The following PLXDC1 variants were observed in gnomAD, a reference collection of about 807,000 sequenced individuals.
The protein encoded by PLXDC1 is plexin domain-containing protein 1.
PLXDC1 carries 39 observed loss-of-function variants against 61.3 expected under a neutral mutation model. The ratio of observed to expected loss-of-function variants is 0.64; its 90% confidence interval spans 0.49 to 0.83. The LOEUF is 0.83. PLXDC1 is among the 40% of genes least tolerant of loss of function. The pLI, the probability that PLXDC1 is intolerant of heterozygous loss-of-function variation, is 0.00. For synonymous variants in PLXDC1, 212 were observed against 254.5 expected (o/e 0.83, Z 1.59); for missense variants, 596 against 666.5 (o/e 0.89, Z 1.17).
intron 2 of PLXDC1, chr17:39,137,334 C>T (rs1911786607): frequency 6.6e-6 from 1 of 152,204 alleles, no homozygotes; most frequent in South Asian, 2.1e-4. Flanking sequence ...GCTAGCAAAT[C>T]ACTTGAAGTC....
chr17:39,138,124 G>A (rs1005977207), intron 2 of PLXDC1, among the ~76,000 whole-genome samples: 1 of 152,060 alleles, frequency 6.6e-6, no homozygotes, highest in Non-Finnish European at 1.5e-5. Flanking sequence ...TTTTAGAGAC[G>A]TGGGTCTCAC....
Position 39,087,688 on chromosome 17 carries a change from T to G in PLXDC1, c.826A>C (p.Ser276Arg), listed in dbSNP as rs766289644. Residue 276 changes from serine (S) to arginine (R), a missense_variant, in exon 8 of 14, where the codon AGC becomes CGC. Transcript: ENST00000315392. ...SPDVPESRRRSIFEYHRIELD... is the reference protein window; with the variant it reads ...SPDVPESRRRRIFEYHRIELD... ...TCTATGCGGTGATATTCAAAGATGC[T>G]CCTTCGCCGAGATTCTGAAACAGAG... The G allele has an allele frequency of 5.0e-6, 8 of 1,613,584 alleles. No individual in the cohort carries two copies. The highest frequency in any genetic ancestry group is 3.3e-5 in the Admixed American group (2 of 60,010).
intron 2 of PLXDC1, among the ~76,000 whole-genome samples, chr17:39,134,638 AAG>A (rs200756373): frequency 0.063 from 9,283 of 147,410 alleles, 362 homozygotes; most frequent in East Asian, 0.12. Context: ...AAAAAAAAAA[AAG>A]AAAAAGAAAA....
rs1908838649 is a variant in PLXDC1, at chr17:39,064,946, G to C, written c.*2894C>G. 1 of 152,172 alleles carries C rather than the reference G, an allele frequency of 6.6e-6. No individual in the cohort carries two copies. Among genetic ancestry groups the C allele is most frequent in the East Asian group, 1.9e-4 (1 of 5,202 alleles). 9.4% of individuals were successfully genotyped at this position (152,172 alleles called of 1,614,324 possible). On this transcript the variant is annotated 3_prime_UTR_variant, in exon 14 of 14. Coordinates refer to ENST00000315392, the MANE Select transcript of PLXDC1 (RefSeq NM_020405.5). Reference sequence around the variant, plus strand: ...CTGTGTGTGTCTCAAATGGCCAGTGGGGCAGTTCCTGCTGTGGCCTGATTC... The same window carrying C: ...CTGTGTGTGTCTCAAATGGCCAGTGCGGCAGTTCCTGCTGTGGCCTGATTC...
intron 7 of PLXDC1, among the ~76,000 whole-genome samples, chr17:39,102,637 T>C (rs1197292996): frequency 6.6e-6 from 1 of 151,738 alleles, no homozygotes; most frequent in Non-Finnish European, 1.5e-5. Context: ...CACTGTGTGC[T>C]GAGACAGAAC....
In PLXDC1 at chr17:39,095,490, C is replaced by T. The variant is rs560883169; in HGVS notation, c.812-7788G>A. On this transcript the variant is annotated intron_variant, in intron 7 of 13. Coordinates refer to ENST00000315392, the MANE Select transcript of PLXDC1 (RefSeq NM_020405.5). Reference sequence around the variant, plus strand: ...CAACAGATCCTTTCTGGAACCAAGACGCAGGCTTCCCCAGAGCACCATTTC... The same window carrying T: ...CAACAGATCCTTTCTGGAACCAAGATGCAGGCTTCCCCAGAGCACCATTTC... Among the ~76,000 whole-genome samples, 8 of 150,300 alleles carry T rather than the reference C, an allele frequency of 5.3e-5. No homozygotes were observed. The South Asian group carries it at 1.3e-3, about 24-fold the overall frequency.
intron 2 of PLXDC1, among the ~76,000 whole-genome samples, chr17:39,118,592 A>G (rs575249799): frequency 6.6e-6 from 1 of 152,296 alleles, no homozygotes; most frequent in Non-Finnish European, 1.5e-5. Context: ...ATTTTAAATA[A>G]TATCCTTGTA....
rs143115784 is a variant in PLXDC1, at chr17:39,147,430, T to C, written c.76+3932A>G. On this transcript the variant is annotated intron_variant, in intron 1 of 13. Coordinates refer to ENST00000315392, the MANE Select transcript of PLXDC1 (RefSeq NM_020405.5). ...CTGCTGCCCCCTCGGTGTTGGTGTG[T>C]CAACTTGCTGCACCTTGGGCAACAC... 5.4e-3 allele frequency among the ~76,000 whole-genome samples: 816 copies of C among 152,182 alleles called. 9 individuals are homozygous for C. The highest frequency in any genetic ancestry group is 0.01 in the Non-Finnish European group (681 of 68,010).
At chr17:39,098,135 G>A (rs1441647030) in intron 7 of PLXDC1, among the ~76,000 whole-genome samples, 1 of 149,446 alleles carries the variant, frequency 6.7e-6, no homozygotes, top group East Asian at 2.0e-4. Flanking sequence ...AACCCAGGAG[G>A]TGGAGGTTGC....
intron 2 of PLXDC1, among the ~76,000 whole-genome samples, chr17:39,122,334 G>A (rs989410845): frequency 8.1e-6 from 1 of 123,290 alleles, no homozygotes; most frequent in Non-Finnish European, 1.6e-5. Context: ...CAGCCAAATC[G>A]CACCACTGCA....
chr17:39,106,383 G>A (rs1258571771), intron 6 of PLXDC1, among the ~76,000 whole-genome samples: 1 of 151,774 alleles, frequency 6.6e-6, no homozygotes, highest in Non-Finnish European at 1.5e-5. Context: ...CCAACAACCT[G>A]TTCTCCACTC....
intron 7 of PLXDC1, among the ~76,000 whole-genome samples, chr17:39,091,443 G>C (rs538495050): frequency 6.6e-6 from 1 of 152,082 alleles, no homozygotes; most frequent in African/African-American, 2.4e-5. Context: ...CACTGGAGCC[G>C]GATGGTTTAG....
chr17:39,139,592 G>A, intron 2 of PLXDC1, 62 bp downstream of exon 2: 2 of 1,454,020 alleles, frequency 1.4e-6, no homozygotes, highest in Non-Finnish European at 9.5e-7. Flanking sequence ...CACACCTGGG[G>A]CAGCTGGTGA....
intron 10 of PLXDC1, among the ~76,000 whole-genome samples, chr17:39,078,874 G>A (rs1449923443): frequency 6.6e-6 from 1 of 152,212 alleles, no homozygotes; most frequent in Admixed American, 6.5e-5. Context: ...CCCACTTAAG[G>A]TCAAGGCATC....
rs916446493 is a variant in PLXDC1, at chr17:39,067,721, A to G, written c.*119T>C. 2.0e-6 allele frequency: 2 copies of G among 997,340 alleles called. No homozygotes were observed. Among genetic ancestry groups the G allele is most frequent in the Admixed American group, 4.7e-5 (2 of 42,350 alleles). The allele number at this position is 997,340 out of a possible 1,614,324, so 61.8% of individuals were successfully genotyped here. The stretch of plus-strand genomic sequence containing the variant: ...GCGAGCAGCAGCTCTGGAGCCATAA[A>G]CCACCATCTCATCTCAGCCCAGGGC... On this transcript the variant is annotated 3_prime_UTR_variant, in exon 14 of 14. Transcript: ENST00000315392.
intron 7 of PLXDC1, chr17:39,096,991 C>T (rs554634265): frequency 1.1e-4 from 53 of 471,244 alleles, no homozygotes; most frequent in Admixed American, 1.6e-4. Flanking sequence ...AGAGTTTATA[C>T]GAGGAAGTAC....
chr17:39,112,743 GT>G (rs1567764863), intron 2 of PLXDC1, among the ~76,000 whole-genome samples: 6 of 152,124 alleles, frequency 3.9e-5, no homozygotes, highest in Admixed American at 3.9e-4. Context: ...CTTAGGAAGT[GT>G]TTGCTGGAGG....
At chr17:39,110,425 C>T (rs1473129358) in intron 2 of PLXDC1, among the ~76,000 whole-genome samples, 2 of 152,196 alleles carry the variant, frequency 1.3e-5, no homozygotes, top group Admixed American at 1.3e-4. Context: ...TGCAAAGGCT[C>T]TCCTGCAGAG....
rs186462427 is a variant in PLXDC1, at chr17:39,151,632, G to C, written c.-195C>G. 1,495 of 1,060,920 alleles carry C rather than the reference G, an allele frequency of 1.4e-3. 21 individuals carry two copies. In the African/African-American group the frequency reaches 0.023, roughly 16 times the overall value. The allele number at this position is 1,060,920 out of a possible 1,614,324, so 65.7% of individuals were successfully genotyped here. A position where few individuals can be genotyped will look rare whatever the true frequency, so the allele number is the denominator to read the frequency against. On this transcript the variant is annotated 5_prime_UTR_variant, in exon 1 of 14. Coordinates refer to ENST00000315392, the MANE Select transcript of PLXDC1 (RefSeq NM_020405.5). The surrounding 1 kb of genome is among the most constrained non-coding windows in gnomAD (Gnocchi z 5.2). ...AGCGGAGCTGGAGGCTGCGGCCTCC[G>C]GGAGCAGGCGGGGAGCTGGGGGGGC...
Sources: allele counts gnomAD v4.1 joint callset (sites outside exome capture counted in the v4.1 genomes callset), GRCh38; gene constraint gnomAD v4.1.1; non-coding constraint Gnocchi (gnomAD v3.1); transcripts MANE v1.5; gene names NCBI Gene and HGNC (gene_info 2026-07-23, HGNC 2026-07-21).